PINX1: variants seen among roughly 807,000 people sequenced by gnomAD.
PINX1 encodes PIN2/TERF1-interacting telomerase inhibitor 1.
In PINX1, 34 loss-of-function variants were observed where a neutral mutation model predicts 25.4. The observed-to-expected ratio is 1.34, with a 90% CI of 1.02 to 1.78. The LOEUF (loss-of-function observed/expected upper bound fraction) is 1.78. Ranked by LOEUF, PINX1 falls within the 40% of genes most tolerant of loss-of-function variation. PINX1 has a pLI of 0.00. For missense variants in PINX1, 592 were observed against 404.9 expected (o/e 1.46, Z -3.97); for synonymous variants, 197 against 147.7 (o/e 1.33, Z -2.42).
intron 6 of PINX1, among the ~76,000 whole-genome samples, chr8:10,806,325 G>T (rs912811409): frequency 5.9e-5 from 9 of 152,192 alleles, no homozygotes; most frequent in African/African-American, 1.9e-4. Flanking sequence ...CACGTGTGGG[G>T]GAGAGGTCTC....
At chr8:10,837,637 G>C (rs1167974357) in intron 1 of PINX1, among the ~76,000 whole-genome samples, 1 of 152,160 alleles carries the variant, frequency 6.6e-6, no homozygotes, top group Non-Finnish European at 1.5e-5. Flanking sequence ...TCCTCTAGCA[G>C]GTACTCCTAT....
intron 6 of PINX1, among the ~76,000 whole-genome samples, chr8:10,796,268 C>G (rs1421762128): frequency 2.0e-5 from 3 of 152,160 alleles, no homozygotes; most frequent in East Asian, 1.9e-4. Context: ...GAACTTCCAT[C>G]TGAAGTCAAA....
intron 6 of PINX1, among the ~76,000 whole-genome samples, chr8:10,816,417 A>G (rs1797698353): frequency 6.6e-6 from 1 of 152,240 alleles, no homozygotes; most frequent in African/African-American, 2.4e-5. Flanking sequence ...CAGATCATCC[A>G]GTTCAATAGA....
At chr8:10,812,984 C>T (rs1797584405) in intron 6 of PINX1, among the ~76,000 whole-genome samples, 1 of 152,216 alleles carries the variant, frequency 6.6e-6, no homozygotes, top group Non-Finnish European at 1.5e-5. Flanking sequence ...ACATATCTTC[C>T]TAAGCTTTCA....
At chr8:10,780,856 T>C (rs1801563915) in intron 6 of PINX1, among the ~76,000 whole-genome samples, 2 of 152,164 alleles carry the variant, frequency 1.3e-5, no homozygotes, top group African/African-American at 4.8e-5. Flanking sequence ...AAAACAATTC[T>C]AAAATCCACA....
rs115949002 is a variant in PINX1 at position 10,776,086 on chromosome 8, G to A, written c.472-10170C>T. On this transcript the variant is annotated intron_variant, in intron 6 of 6. Transcript: ENST00000314787. ...CTAGCATTCATTATAGCCTAGATAA[G>A]TCCATAGCACTCAGTAAAAGGAGAA... Among the ~76,000 whole-genome samples, 858 of 152,218 alleles carry A rather than the reference G, an allele frequency of 5.6e-3. 11 individuals carry two copies. Among genetic ancestry groups the A allele is most frequent in the African/African-American group, 0.02 (825 of 41,536 alleles).
chr8:10,800,919 T>A (rs1802246111), intron 6 of PINX1, among the ~76,000 whole-genome samples: 1 of 152,170 alleles, frequency 6.6e-6, no homozygotes, highest in Admixed American at 6.5e-5. Flanking sequence ...AGATGACAAA[T>A]CTGTCCCAAC....
At chr8:10,773,441 A>G (rs930997585) in intron 6 of PINX1, among the ~76,000 whole-genome samples, 2 of 152,244 alleles carry the variant, frequency 1.3e-5, no homozygotes, top group African/African-American at 4.8e-5. Context: ...GAGCACTCTC[A>G]GCAACCCAGT....
chr8:10,812,673 G>A (rs1401678156), intron 6 of PINX1, among the ~76,000 whole-genome samples: 14 of 152,146 alleles, frequency 9.2e-5, no homozygotes, highest in African/African-American at 3.4e-4. Context: ...GTCCCTGAAG[G>A]CAATTCCCTG....
At position 10,826,190 on chromosome 8, in the gene PINX1, AT is replaced by A; in HGVS notation, c.355del (p.Ile119SerfsTer9). ...KSFSLEEKSK[I>X]SKNRVHYMKF... ...CATATAGTGAACACGGTTTTTGGAG[AT>A]TTTGGACTTTTCCTCAAGGCTAAAA... On this transcript the variant is annotated frameshift_variant, in exon 5 of 7. Coordinates refer to ENST00000314787, the MANE Select transcript of PINX1 (RefSeq NM_017884.6). LOFTEE classifies it high-confidence loss of function. The A allele has an allele frequency of 6.3e-7, 1 of 1,596,838 alleles. No homozygotes were observed.
At chr8:10,790,444 G>C (rs933500841) in intron 6 of PINX1, among the ~76,000 whole-genome samples, 1 of 152,160 alleles carries the variant, frequency 6.6e-6, no homozygotes, top group African/African-American at 2.4e-5. Context: ...GCAAGGGTGA[G>C]CCAGCAGAGG....
chr8:10,766,057 G>C (rs1801033491), intron 6 of PINX1, 141 bp from the exon 7 acceptor site: 2 of 769,700 alleles, frequency 2.6e-6, no homozygotes, highest in East Asian at 2.4e-5. Flanking sequence ...CGGCACTTAG[G>C]AGACAAGGCT....
chr8:10,814,887 T>C lies in PINX1; in HGVS notation c.471+5306A>G, dbSNP rs116198302. Among the ~76,000 whole-genome samples, 307 of 152,302 alleles carry C rather than the reference T, an allele frequency of 2.0e-3. 1 individual carries two copies. The highest frequency in any genetic ancestry group is 7.2e-3 in the African/African-American group (300 of 41,566). ...CCTCTCTAAGGTGTTCGCTAGCCAG[T>C]GTATGCCACAAATGAAAAAGTCCAC... On this transcript the variant is annotated intron_variant, in intron 6 of 6. Transcript: ENST00000314787.
At chr8:10,834,278 TGA>T (rs1457755528) in intron 2 of PINX1, 1 of 174,850 alleles carries the variant, frequency 5.7e-6, no homozygotes, top group Non-Finnish European at 1.2e-5. Flanking sequence ...CCAGCACTGC[TGA>T]GGAGTTAAGT....
At chr8:10,812,279 C>G (rs1234342164) in intron 6 of PINX1, among the ~76,000 whole-genome samples, 1 of 152,188 alleles carries the variant, frequency 6.6e-6, no homozygotes, top group East Asian at 1.9e-4. Context: ...AAGAAGAATC[C>G]AAGTAATGTC....
At chr8:10,837,641 C>A (rs1261458579) in intron 1 of PINX1, among the ~76,000 whole-genome samples, 1 of 152,184 alleles carries the variant, frequency 6.6e-6, no homozygotes, top group African/African-American at 2.4e-5. Flanking sequence ...CTAGCAGGTA[C>A]TCCTATGTGG....
At chr8:10,775,793 C>A (rs567649085) in intron 6 of PINX1, among the ~76,000 whole-genome samples, 1 of 152,298 alleles carries the variant, frequency 6.6e-6, no homozygotes, top group East Asian at 1.9e-4. Context: ...GCCTCAAATG[C>A]AATCATTTGC....
chr8:10,839,203 A>G (rs941123540), intron 1 of PINX1, among the ~76,000 whole-genome samples: 1 of 152,168 alleles, frequency 6.6e-6, no homozygotes, highest in Admixed American at 6.5e-5. Context: ...AACAAGGTCA[A>G]AAACGCCAGT....
At position 10,765,236 on chromosome 8, in the gene PINX1, C is replaced by G. The variant is rs1800990626; in HGVS notation, c.*165G>C. 5.1e-6 allele frequency: 3 copies of G among 593,512 alleles called. No homozygotes were observed. The highest frequency in any genetic ancestry group is 1.9e-5 in the African/African-American group (1 of 53,824). 36.8% of individuals were successfully genotyped at this position (593,512 alleles called of 1,614,324 possible). A position where few individuals can be genotyped will look rare whatever the true frequency, so the allele number is the denominator to read the frequency against. On this transcript the variant is annotated 3_prime_UTR_variant, in exon 7 of 7. Transcript: ENST00000314787. ...TAAAAAGGTCCTCCTGGGAATGTAA[C>G]TTGGGGGAAATGTGGCGAGAGGGCA...
Sources: gnomAD v4.1 joint callset for allele counts (sites outside exome capture counted in the v4.1 genomes callset) on GRCh38, gnomAD v4.1.1 for gene constraint, MANE v1.5 for transcripts, NCBI Gene and HGNC (gene_info 2026-07-23, HGNC 2026-07-21) for gene names.